The following ZNF609 variants were observed in gnomAD, a reference collection of about 807,000 sequenced individuals.
ZNF609 encodes zinc finger protein 609.
A neutral mutation model predicts 109.5 loss-of-function variants in ZNF609; 11 were observed. That is an observed-to-expected ratio of 0.10 (90% confidence interval 0.06 to 0.17). The LOEUF (loss-of-function observed/expected upper bound fraction) is 0.17. ZNF609 is among the 10% of genes least tolerant of loss of function. ZNF609 has a pLI of 1.00. For missense variants in ZNF609, 1,559 were observed against 1,772.4 expected (o/e 0.88, Z 2.16); for synonymous variants, 646 against 662.0 (o/e 0.98, Z 0.37).
At chr15:64,537,345 T>G (rs1894167772) in intron 2 of ZNF609, among the ~76,000 whole-genome samples, 1 of 143,410 alleles carries the variant, frequency 7.0e-6, no homozygotes, top group African/African-American at 2.6e-5. Context: ...TAAAAATACA[T>G]ACAAAATTAG....
chr15:64,606,349 A>C lies in ZNF609; in HGVS notation c.748-16478A>C, dbSNP rs115000333. On this transcript the variant is annotated intron_variant, in intron 2 of 9. Coordinates refer to ENST00000326648, the MANE Select transcript of ZNF609 (RefSeq NM_015042.2). ...CACTTTGGGAGGCTGAGGCAAGCGC[A>C]GGAGTTCAAGATCATTTTGGCCAAC... Among the ~76,000 whole-genome samples the C allele has an allele frequency of 6.0e-3, 908 of 151,736 alleles. 12 individuals are homozygous for C. Among genetic ancestry groups the C allele is most frequent in the African/African-American group, 0.021 (873 of 41,420 alleles).
At chr15:64,653,519 G>A (rs532748173) in intron 3 of ZNF609, among the ~76,000 whole-genome samples, 12 of 152,318 alleles carry the variant, frequency 7.9e-5, no homozygotes, top group East Asian at 1.9e-4. Flanking sequence ...GGCGGCGTGC[G>A]CCTGTAGTCC....
In ZNF609 at chr15:64,611,456, A is replaced by AT. The variant is rs1041170036; in HGVS notation, c.748-11365dup. On this transcript the variant is annotated intron_variant, in intron 2 of 9. Coordinates refer to ENST00000326648, the MANE Select transcript of ZNF609 (RefSeq NM_015042.2). ...GTTGCACACTGATTTTGCTTATGAG[A>AT]TTTTTTCCTTTGTTAAATTTCAAGC... 1.2e-4 allele frequency among the ~76,000 whole-genome samples: 18 copies of AT among 152,194 alleles called. 1 individual carries two copies. The highest frequency in any genetic ancestry group is 7.4e-5 in the Non-Finnish European group (5 of 68,012).
chr15:64,606,666 C>T (rs1257315030), intron 2 of ZNF609, among the ~76,000 whole-genome samples: 1 of 152,110 alleles, frequency 6.6e-6, no homozygotes, highest in African/African-American at 2.4e-5. Context: ...CAACCTTGGC[C>T]TACCAAAGAG....
intron 2 of ZNF609, among the ~76,000 whole-genome samples, chr15:64,535,456 C>T (rs1894126828): frequency 6.6e-6 from 1 of 152,176 alleles, no homozygotes; most frequent in Non-Finnish European, 1.5e-5. Context: ...ATAGTTCATT[C>T]CTTTTTGTTG....
chr15:64,658,651 G>A (rs1337022097), intron 3 of ZNF609, among the ~76,000 whole-genome samples: 6 of 151,868 alleles, frequency 4.0e-5, no homozygotes, highest in Admixed American at 3.9e-4. Context: ...TAGCGTATAT[G>A]TTGGGTGTGG....
intron 2 of ZNF609, among the ~76,000 whole-genome samples, chr15:64,506,398 C>T (rs542472821): frequency 1.4e-5 from 2 of 147,778 alleles, no homozygotes; most frequent in Non-Finnish European, 3.0e-5. Context: ...GCTGGGATTA[C>T]AGGCATGAGC....
rs369776994 is a variant in ZNF609, at chr15:64,499,771, A to G, written c.352A>G (p.Lys118Glu). The G allele has an allele frequency of 6.8e-6, 11 of 1,613,924 alleles. No individual in the cohort carries two copies. Among genetic ancestry groups the G allele is most frequent in the African/African-American group, 1.3e-5 (1 of 74,902 alleles). Residue 118 changes from lysine (K) to glutamate (E), a missense_variant, in exon 2 of 10, where the codon AAG becomes GAG. Physicochemically the swap from Lys to Glu is moderately conservative, Grantham distance 56. This residue lies in a region of ZNF609 where 291 missense variants were observed against 317.8 expected (regional missense o/e 0.92). Coordinates refer to ENST00000326648, the MANE Select transcript of ZNF609 (RefSeq NM_015042.2). ...LFTPSEGAAS[K>E]KEVQGRSGDG... ...CACTCCAAGTGAGGGGGCAGCTAGC[A>G]AGAAAGAGGTGCAGGGGCGCTCAGG...
chr15:64,635,144 C>G (rs943358522), intron 3 of ZNF609, among the ~76,000 whole-genome samples: 2 of 152,136 alleles, frequency 1.3e-5, no homozygotes, highest in African/African-American at 4.8e-5. Context: ...CCTCCCTCCC[C>G]CAAGCAAAGC....
chr15:64,612,007 T>A (rs1003257756), intron 2 of ZNF609, among the ~76,000 whole-genome samples: 2 of 151,790 alleles, frequency 1.3e-5, no homozygotes, highest in African/African-American at 2.4e-5. Flanking sequence ...AGTGCTGGGA[T>A]TACAGGCATG....
At chr15:64,663,981 C>A (rs1896613159) in intron 3 of ZNF609, among the ~76,000 whole-genome samples, 1 of 152,186 alleles carries the variant, frequency 6.6e-6, no homozygotes, top group Non-Finnish European at 1.5e-5. Context: ...GTAATCCCAG[C>A]ACTTTGGGAG....
chr15:64,548,988 G>T (rs898432827), intron 2 of ZNF609, among the ~76,000 whole-genome samples: 13 of 152,260 alleles, frequency 8.5e-5, no homozygotes, highest in African/African-American at 2.9e-4. Context: ...CATGTCAAGA[G>T]TTCACCTGAA....
chr15:64,685,171 A>C lies in ZNF609; in HGVS notation c.*3485A>C, dbSNP rs1250632660. ...TACCAAGTTCCTTGTTTTTTTATAT[A>C]TATATATAAATATATATATATACAA... On this transcript the variant is annotated 3_prime_UTR_variant, in exon 10 of 10. Coordinates refer to ENST00000326648, the MANE Select transcript of ZNF609 (RefSeq NM_015042.2). 6.7e-6 allele frequency: 1 copy of C among 149,940 alleles called. No homozygotes were observed. Among genetic ancestry groups the C allele is most frequent in the African/African-American group, 2.4e-5 (1 of 41,030 alleles). The allele number at this position is 149,940 out of a possible 1,614,324, so 9.3% of individuals were successfully genotyped here. A position where few individuals can be genotyped will look rare whatever the true frequency, so the allele number is the denominator to read the frequency against.
At chr15:64,664,514 T>A (rs555750824) in intron 3 of ZNF609, among the ~76,000 whole-genome samples, 3 of 152,246 alleles carry the variant, frequency 2.0e-5, no homozygotes, top group East Asian at 3.9e-4. Context: ...AAATAGTAAG[T>A]TTTCCAAGAT....
At chr15:64,664,168 G>C (rs1265849295) in intron 3 of ZNF609, among the ~76,000 whole-genome samples, 3 of 152,018 alleles carry the variant, frequency 2.0e-5, no homozygotes, top group African/African-American at 7.2e-5. Flanking sequence ...GCAGAGGCTG[G>C]AGTGAGCCGA....
At chr15:64,635,840 C>A (rs1400037832) in intron 3 of ZNF609, among the ~76,000 whole-genome samples, 1 of 148,826 alleles carries the variant, frequency 6.7e-6, no homozygotes, top group African/African-American at 2.5e-5. Context: ...AGAACTAACT[C>A]CATTTCTCTC....
rs370440626 is a variant in ZNF609, at chr15:64,680,858, A to G, written c.4158A>G (p.Ala1386=). 120 of 1,608,666 alleles carry G rather than the reference A, an allele frequency of 7.5e-5. No homozygotes were observed. The highest frequency in any genetic ancestry group is 9.4e-5 in the Non-Finnish European group (111 of 1,179,956). The change falls in exon 8 of 10, where the codon GCA becomes GCG. Residue 1386 remains alanine, a synonymous_variant. Coordinates refer to ENST00000326648, the MANE Select transcript of ZNF609 (RefSeq NM_015042.2). ...CAGCACAGTACAACTTACCCTATGC[A>G]GCAGGTAAGCCTGTTTTCCCTACCA... The part of the protein sequence containing the change: ...LLPAQYNLPY[A]AGLSSTAIVA...
intron 2 of ZNF609, among the ~76,000 whole-genome samples, chr15:64,545,102 T>C (rs1437239603): frequency 6.6e-6 from 1 of 152,238 alleles, no homozygotes; most frequent in Non-Finnish European, 1.5e-5. Flanking sequence ...GTGTCTCTCC[T>C]GTCTGTACAT....
intron 1 of ZNF609, among the ~76,000 whole-genome samples, chr15:64,462,024 G>C (rs1041357995): frequency 6.6e-6 from 1 of 152,134 alleles, no homozygotes. Context: ...GAGATAAACC[G>C]GTCCCTCTCA....
Sources: allele counts gnomAD v4.1 joint callset (sites outside exome capture counted in the v4.1 genomes callset), GRCh38; gene constraint gnomAD v4.1.1; regional missense constraint gnomAD v4.1.1; transcripts MANE v1.5; gene names NCBI Gene and HGNC (gene_info 2026-07-23, HGNC 2026-07-21).